Variants in PCDH11X observed in about 807,000 individuals in gnomAD.
The protein encoded by PCDH11X is protocadherin 11 X-linked, also known as protocadherin-11 X-linked.
A neutral mutation model predicts 53.3 loss-of-function variants in PCDH11X; 18 were observed. That is an observed-to-expected ratio of 0.34 (90% CI 0.23 to 0.50). PCDH11X has a LOEUF of 0.50. Among genes scored for constraint, PCDH11X ranks in the 20% least tolerant of loss-of-function variants. The pLI is 0.98. For missense variants in PCDH11X, 570 were observed against 1,032.4 expected (o/e 0.55, Z 6.14); for synonymous variants, 279 against 393.3 (o/e 0.71, Z 3.44).
chrX:92,051,878 T>C (rs906640498), intron 6 of PCDH11X, among the ~76,000 whole-genome samples: 5 of 109,752 alleles, frequency 4.6e-5, no homozygotes, highest in African/African-American at 1.7e-4. Flanking sequence ...ACACTTAAAT[T>C]ATATTTCAAT....
chrX:91,913,821 C>A (rs1378808452), intron 6 of PCDH11X, among the ~76,000 whole-genome samples: 1 of 110,101 alleles, frequency 9.1e-6, no homozygotes, highest in Non-Finnish European at 1.9e-5. Context: ...CAACTCAGGA[C>A]AGAATAACCC....
chrX:92,550,783 C>T (rs2074940156), intron 10 of PCDH11X, among the ~76,000 whole-genome samples: 1 of 110,021 alleles, frequency 9.1e-6, no homozygotes, highest in Middle Eastern at 4.6e-3. Context: ...TTTCTATTTC[C>T]ATGAGTTCAG....
chrX:92,114,934 C>T (rs1431900155), intron 6 of PCDH11X, among the ~76,000 whole-genome samples: 4 of 110,612 alleles, frequency 3.6e-5, no homozygotes, highest in African/African-American at 1.3e-4. Context: ...TGGGTTCAAG[C>T]GATTCTCCTG....
At chrX:92,338,657 G>A (rs1403034680) in intron 8 of PCDH11X, among the ~76,000 whole-genome samples, 8 of 111,219 alleles carry the variant, frequency 7.2e-5, no homozygotes, top group Non-Finnish European at 1.3e-4. Flanking sequence ...TCAGGTGGCA[G>A]AAATAGAAAC....
Position 91,924,004 on chromosome X carries a change from C to T in PCDH11X, c.3033+44731C>T, listed in dbSNP as rs202063738. Reference sequence around the variant, plus strand: ...ACAATATTCCCGTGTAACAAACCTGCACATGTACCCCCTGAATCTAAAATA... The same window carrying T: ...ACAATATTCCCGTGTAACAAACCTGTACATGTACCCCCTGAATCTAAAATA... On this transcript the variant is annotated intron_variant, in intron 6 of 10. Coordinates refer to ENST00000682573, the MANE Select transcript of PCDH11X (RefSeq NM_032968.5). Among the ~76,000 whole-genome samples, 4 of 108,648 alleles carry T rather than the reference C, an allele frequency of 3.7e-5. No individual in the cohort carries two copies. The East Asian group carries it at 1.2e-3, about 32-fold the overall frequency. 94.3% of individuals were successfully genotyped at this position (108,648 alleles called of 115,157 possible).
At chrX:92,013,947 C>T (rs2062742175) in intron 6 of PCDH11X, among the ~76,000 whole-genome samples, 2 of 111,619 alleles carry the variant, frequency 1.8e-5, no homozygotes, top group African/African-American at 3.3e-5. Context: ...AAAACCTAGG[C>T]AATACCATTC....
At chrX:92,584,082 T>C (rs774690665) in intron 10 of PCDH11X, among the ~76,000 whole-genome samples, 1 of 111,282 alleles carries the variant, frequency 9.0e-6, no homozygotes, top group Non-Finnish European at 1.9e-5. Context: ...AATGGAATTG[T>C]AATAAAAATA....
At chrX:91,993,249 T>C (rs1030049742) in intron 6 of PCDH11X, among the ~76,000 whole-genome samples, 6 of 113,032 alleles carry the variant, frequency 5.3e-5, no homozygotes, top group African/African-American at 1.9e-4. Flanking sequence ...TTAGAGTCCT[T>C]TCAGATTAAC....
At chrX:92,101,620 T>C (rs1318957331) in intron 6 of PCDH11X, among the ~76,000 whole-genome samples, 3 of 110,878 alleles carry the variant, frequency 2.7e-5, no homozygotes, top group Non-Finnish European at 5.6e-5. Flanking sequence ...AGGAATTATG[T>C]CTGACAGAAC....
chrX:92,129,048 A>G (rs1012174143), intron 6 of PCDH11X, among the ~76,000 whole-genome samples: 2 of 110,817 alleles, frequency 1.8e-5, no homozygotes, highest in Non-Finnish European at 1.9e-5. Flanking sequence ...AATACCATAA[A>G]TAGTGTATAT....
chrX:92,174,610 G>A (rs2065876157), intron 6 of PCDH11X, among the ~76,000 whole-genome samples: 1 of 111,943 alleles, frequency 8.9e-6, no homozygotes, highest in Admixed American at 9.5e-5. Flanking sequence ...GAAACCAAGA[G>A]AATGTTTGAT....
intron 6 of PCDH11X, among the ~76,000 whole-genome samples, chrX:92,104,358 A>G (rs2064329842): frequency 9.0e-6 from 1 of 110,526 alleles, no homozygotes; most frequent in African/African-American, 3.3e-5. Context: ...GTTGGTACTG[A>G]GGGGACAGGC....
intron 4 of PCDH11X, among the ~76,000 whole-genome samples, chrX:91,816,474 C>T (rs73535559): frequency 0.12 from 13,757 of 110,740 alleles, 2,084 homozygotes; most frequent in African/African-American, 0.43. Flanking sequence ...TTTTTCTCTA[C>T]GTTTTTAAAA....
At chrX:92,565,225 T>TA (rs756507078) in intron 10 of PCDH11X, among the ~76,000 whole-genome samples, 50 of 77,047 alleles carry the variant, frequency 6.5e-4, no homozygotes, top group South Asian at 5.5e-3. Context: ...TCCTCAAAAA[T>TA]AAAAAAAAAA....
intron 8 of PCDH11X, among the ~76,000 whole-genome samples, chrX:92,335,488 CTATT>C (rs1162288258): frequency 9.2e-6 from 1 of 108,710 alleles, no homozygotes; most frequent in Admixed American, 1.0e-4. Flanking sequence ...AAATCGAAAT[CTATT>C]TATCTCGAAT....
chrX:91,838,649 T>C (rs1294310530), intron 5 of PCDH11X, among the ~76,000 whole-genome samples: 1 of 109,664 alleles, frequency 9.1e-6, no homozygotes, highest in Non-Finnish European at 1.9e-5. Context: ...AATTTTACAA[T>C]GTGAAATAAG....
At chrX:92,592,363 C>T (rs7050375) in intron 10 of PCDH11X, among the ~76,000 whole-genome samples, 9,780 of 107,133 alleles carry the variant, frequency 0.091, 501 homozygotes, top group South Asian at 0.21. Context: ...TCTTTGGAGA[C>T]GCCTCGTGTG....
At chrX:91,839,149 T>C (rs1210772197) in intron 5 of PCDH11X, among the ~76,000 whole-genome samples, 8 of 110,288 alleles carry the variant, frequency 7.3e-5, no homozygotes, top group Non-Finnish European at 1.5e-4. Flanking sequence ...ATTTGGAAAA[T>C]GAGTTTCAGA....
At chrX:92,423,697 C>T in intron 9 of PCDH11X, among the ~76,000 whole-genome samples, 1 of 95,258 alleles carries the variant, frequency 1.0e-5, no homozygotes, top group East Asian at 3.0e-4. Flanking sequence ...CAGTTTCATT[C>T]TTCTACATGT....
Sources: gnomAD v4.1 joint callset for allele counts (sites outside exome capture counted in the v4.1 genomes callset) on GRCh38, gnomAD v4.1.1 for gene constraint, MANE v1.5 for transcripts, NCBI Gene and HGNC (gene_info 2026-07-23, HGNC 2026-07-21) for gene names.